The following CDH12 variants were observed in gnomAD, a reference collection of about 807,000 sequenced individuals.
The protein encoded by CDH12 is cadherin-12.
In CDH12, 41 loss-of-function variants were observed where a neutral mutation model predicts 74.1. That is an observed-to-expected ratio of 0.55 (90% CI 0.43 to 0.72). The LOEUF (loss-of-function observed/expected upper bound fraction) is 0.72. CDH12 is among the 30% of genes least tolerant of loss of function. The pLI is 0.00. For synonymous variants in CDH12, 399 were observed against 355.0 expected (o/e 1.12, Z -1.39); for missense variants, 945 against 977.2 (o/e 0.97, Z 0.44).
Position 22,712,952 on chromosome 5 carries a change from A to C in CDH12, c.-523+140106T>G, listed in dbSNP as rs183519056. On this transcript the variant is annotated intron_variant, in intron 1 of 14. Transcript: ENST00000382254. Reference sequence around the variant, plus strand: ...TTTTAAAATTTCCACTAAATTAAATAATATAATCAGCAATCCACTTTGTAA... The same window carrying C: ...TTTTAAAATTTCCACTAAATTAAATCATATAATCAGCAATCCACTTTGTAA... Among the ~76,000 whole-genome samples the C allele has an allele frequency of 2.0e-5, 3 of 152,202 alleles. No homozygotes were observed. In the East Asian group the frequency reaches 5.8e-4, roughly 29 times the overall value.
chr5:21,814,336 T>C (rs1409490347), intron 9 of CDH12, among the ~76,000 whole-genome samples: 2 of 152,058 alleles, frequency 1.3e-5, no homozygotes, highest in Non-Finnish European at 2.9e-5. Flanking sequence ...ATAAATAACA[T>C]GACTCATTCT....
intron 1 of CDH12, among the ~76,000 whole-genome samples, chr5:22,566,798 AGGAT>A (rs1739309295): frequency 6.6e-6 from 1 of 152,184 alleles, no homozygotes; most frequent in African/African-American, 2.4e-5. Context: ...ATTACTAAAC[AGGAT>A]GATACTGTGA....
chr5:22,031,385 G>C (rs913650251), intron 5 of CDH12, among the ~76,000 whole-genome samples: 1 of 152,050 alleles, frequency 6.6e-6, no homozygotes, highest in African/African-American at 2.4e-5. Context: ...TGGTTGGTTT[G>C]ATCTTCCACC....
intron 3 of CDH12, among the ~76,000 whole-genome samples, chr5:22,301,962 C>T (rs887431410): frequency 1.3e-5 from 2 of 151,782 alleles, no homozygotes; most frequent in Admixed American, 1.3e-4. Context: ...AACCACTGCT[C>T]CCAGCCCATC....
intron 1 of CDH12, among the ~76,000 whole-genome samples, chr5:22,713,742 A>G (rs972407734): frequency 1.4e-4 from 21 of 152,040 alleles, no homozygotes; most frequent in African/African-American, 5.1e-4. Context: ...TGTGTTATTA[A>G]ACACATTATT....
intron 6 of CDH12, 112 bp from the exon 7 acceptor site, chr5:21,854,902 C>T: frequency 1.2e-5 from 10 of 839,344 alleles, no homozygotes; most frequent in Non-Finnish European, 1.9e-5. Context: ...GTCAAGTACA[C>T]CATGAGTACA....
chr5:22,792,449 G>A (rs1581004958), intron 1 of CDH12, among the ~76,000 whole-genome samples: 1 of 152,152 alleles, frequency 6.6e-6, no homozygotes, highest in South Asian at 2.1e-4. Flanking sequence ...GGTAAGATAG[G>A]TTAGCAGAAA....
chr5:22,273,144 G>A (rs1045280967), intron 3 of CDH12, among the ~76,000 whole-genome samples: 7 of 151,956 alleles, frequency 4.6e-5, no homozygotes, highest in Admixed American at 1.3e-4. Context: ...ATTTGGGTGG[G>A]GACACAGAGT....
chr5:22,703,820 G>T (rs1263768898), intron 1 of CDH12, among the ~76,000 whole-genome samples: 2 of 152,038 alleles, frequency 1.3e-5, no homozygotes, highest in Non-Finnish European at 2.9e-5. Context: ...GTTGGAGCTG[G>T]TTTTTCATCC....
At chr5:22,155,321 C>A (rs1261923717) in intron 4 of CDH12, among the ~76,000 whole-genome samples, 2 of 151,902 alleles carry the variant, frequency 1.3e-5, no homozygotes, top group Admixed American at 6.6e-5. Flanking sequence ...GTCTTTGGGG[C>A]CAACTTAGAC....
At chr5:21,852,205 C>T (rs1202439778) in intron 7 of CDH12, among the ~76,000 whole-genome samples, 5 of 151,380 alleles carry the variant, frequency 3.3e-5, no homozygotes, top group Non-Finnish European at 7.4e-5. Flanking sequence ...TGAAGTGCTT[C>T]ATCATCCACT....
rs1742554599 is a variant in CDH12, at chr5:22,698,740, G to A, written c.-523+154318C>T. 6.5e-3 allele frequency among the ~76,000 whole-genome samples: 147 copies of A among 22,760 alleles called. 25 individuals are homozygous for A. Among genetic ancestry groups the A allele is most frequent in the Non-Finnish European group, 0.012 (120 of 9,988 alleles). 14.9% of individuals were successfully genotyped at this position (22,760 alleles called of 152,430 possible). Reference sequence around the variant, plus strand: ...ATATATATATATATATATATAGTGTGTGTGTGTGTGTGTGTGTGTGTGTGT... The same window carrying A: ...ATATATATATATATATATATAGTGTATGTGTGTGTGTGTGTGTGTGTGTGT... On this transcript the variant is annotated intron_variant, in intron 1 of 14. Coordinates refer to ENST00000382254, the MANE Select transcript of CDH12 (RefSeq NM_004061.5).
At chr5:22,510,621 A>G (rs1431632090) in intron 1 of CDH12, among the ~76,000 whole-genome samples, 2 of 152,128 alleles carry the variant, frequency 1.3e-5, no homozygotes, top group African/African-American at 4.8e-5. Flanking sequence ...AAGGAATATT[A>G]TTTGCATATA....
chr5:22,141,575 C>T (rs184217698), intron 4 of CDH12: 80 of 152,074 alleles, frequency 5.3e-4, no homozygotes, highest in Middle Eastern at 3.4e-3. Flanking sequence ...TTTATATTAC[C>T]GAATCTTTTG....
chr5:22,151,401 T>C (rs1465063239), intron 4 of CDH12, among the ~76,000 whole-genome samples: 6 of 152,236 alleles, frequency 3.9e-5, no homozygotes, highest in Non-Finnish European at 7.3e-5. Context: ...AGGCTTATGA[T>C]AGTATTTATA....
rs560963313 is a variant in CDH12 at position 22,447,913 on chromosome 5, G to A, written c.-427-42562C>T. Among the ~76,000 whole-genome samples the A allele has an allele frequency of 6.0e-5, 9 of 149,218 alleles. No homozygotes were observed. In the East Asian group the frequency reaches 1.4e-3, roughly 23 times the overall value. ...TACCAGCACTTTGGGGGGCCAAAGC[G>A]GGAGTATCACTTGAGCCAGGAATTC... On this transcript the variant is annotated intron_variant, in intron 2 of 14. Transcript: ENST00000382254.
chr5:22,399,048 T>G (rs1478899729), intron 3 of CDH12, among the ~76,000 whole-genome samples: 1 of 152,120 alleles, frequency 6.6e-6, no homozygotes, highest in Non-Finnish European at 1.5e-5. Flanking sequence ...GCTTTTGGTG[T>G]GTTCTTGATA....
intron 7 of CDH12, among the ~76,000 whole-genome samples, chr5:21,843,851 C>T (rs1396403337): frequency 1.3e-5 from 2 of 152,156 alleles, no homozygotes; most frequent in Admixed American, 6.5e-5. Flanking sequence ...TTCTGCCTGA[C>T]ATACAATGCT....
Position 21,823,923 on chromosome 5 carries a change from C to T in CDH12, c.815-6791G>A, listed in dbSNP as rs185145062. Among the ~76,000 whole-genome samples the T allele has an allele frequency of 7.2e-5, 11 of 151,912 alleles. No individual in the cohort carries two copies. In the East Asian group the frequency reaches 9.7e-4, roughly 13 times the overall value. ...ACTCTTCCTTTAGACTTTCTTCTGT[C>T]GGGGTATGCTTTGTCTTTTCTTGGA... On this transcript the variant is annotated intron_variant, in intron 8 of 14. Coordinates refer to ENST00000382254, the MANE Select transcript of CDH12 (RefSeq NM_004061.5).
Sources: allele counts gnomAD v4.1 joint callset (sites outside exome capture counted in the v4.1 genomes callset), GRCh38; gene constraint gnomAD v4.1.1; transcripts MANE v1.5; gene names NCBI Gene and HGNC (gene_info 2026-07-23, HGNC 2026-07-21).